The following CNST variants were observed in gnomAD, a reference collection of about 807,000 sequenced individuals.
The protein encoded by CNST is consortin, connexin sorting protein.
CNST carries 39 observed loss-of-function variants against 72.4 expected under a neutral mutation model. The observed-to-expected ratio is 0.54, with a 90% CI of 0.42 to 0.70. The LOEUF is 0.70. Among genes scored for constraint, CNST ranks in the 30% least tolerant of loss-of-function variants. The pLI is 0.00. For synonymous variants in CNST, 332 were observed against 320.1 expected, an observed-to-expected ratio of 1.04 and a Z score of -0.40; for missense variants, 871 against 868.5, an observed-to-expected ratio of 1.00 and a Z score of -0.04.
intron 9 of CNST, among the ~76,000 whole-genome samples, chr1:246,654,537 ATC>A (rs769991352): frequency 1.3e-5 from 2 of 152,304 alleles, no homozygotes; most frequent in East Asian, 3.9e-4. Flanking sequence ...TCTAGCTGTA[ATC>A]TCTCTCTGTT....
chr1:246,584,917 A>G (rs1157731160), intron 1 of CNST, among the ~76,000 whole-genome samples: 1 of 152,118 alleles, frequency 6.6e-6, no homozygotes, highest in East Asian at 1.9e-4. Context: ...TGGATTATAT[A>G]CTGAATATTA....
At chr1:246,639,438 C>G (rs1352105181) in intron 6 of CNST, among the ~76,000 whole-genome samples, 1 of 152,010 alleles carries the variant, frequency 6.6e-6, no homozygotes, top group African/African-American at 2.4e-5. Flanking sequence ...GTGGGAGGAA[C>G]TGGAGGAGCA....
intron 1 of CNST, among the ~76,000 whole-genome samples, chr1:246,580,033 T>A (rs1660685423): frequency 6.6e-6 from 1 of 152,224 alleles, no homozygotes; most frequent in Non-Finnish European, 1.5e-5. Context: ...GCTTCCTTTC[T>A]TACTGCTCTG....
intron 9 of CNST, among the ~76,000 whole-genome samples, chr1:246,653,905 C>G (rs1666629189): frequency 6.6e-6 from 1 of 152,104 alleles, no homozygotes; most frequent in South Asian, 2.1e-4. Context: ...TATTAGAAGT[C>G]AATGAAATGA....
intron 1 of CNST, among the ~76,000 whole-genome samples, chr1:246,568,081 A>T (rs1208431394): frequency 6.6e-6 from 1 of 152,106 alleles, no homozygotes; most frequent in East Asian, 1.9e-4. Context: ...TGGGAGGATC[A>T]CTTGCTGCCG....
chr1:246,635,728 T>A (rs1177237118), intron 6 of CNST, among the ~76,000 whole-genome samples: 3 of 152,200 alleles, frequency 2.0e-5, no homozygotes, highest in Non-Finnish European at 4.4e-5. Flanking sequence ...TTTAGTCTAA[T>A]TATTCTATTT....
rs1380986246 is a variant in CNST, at chr1:246,585,663, ATAT to A, written c.-51-5848_-51-5846del. Among the ~76,000 whole-genome samples, 14 of 41,868 alleles carry A rather than the reference ATAT, an allele frequency of 3.3e-4. 1 individual carries two copies. The highest frequency in any genetic ancestry group is 6.9e-4 in the Admixed American group (2 of 2,888). The allele number at this position is 41,868 out of a possible 152,430, so 27.5% of individuals were successfully genotyped here. A position where few individuals can be genotyped will look rare whatever the true frequency, so the allele number is the denominator to read the frequency against. The stretch of plus-strand genomic sequence containing the variant: ...TCTCAAAAAAAAAAAAAAAAAAAAA[ATAT>A]ACACACACACACACACACACACACA... On this transcript the variant is annotated intron_variant, in intron 1 of 10. Coordinates refer to ENST00000366513, the MANE Select transcript of CNST (RefSeq NM_152609.3).
At chr1:246,650,590 A>G (rs1348025558) in intron 9 of CNST, among the ~76,000 whole-genome samples, 2 of 151,760 alleles carry the variant, frequency 1.3e-5, no homozygotes, top group African/African-American at 2.4e-5. Context: ...TATCCAGGCA[A>G]TTGTGGGTTT....
chr1:246,601,386 G>A (rs1662280599), intron 2 of CNST, among the ~76,000 whole-genome samples: 1 of 152,114 alleles, frequency 6.6e-6, no homozygotes, highest in Non-Finnish European at 1.5e-5. Flanking sequence ...AACTGTTAGT[G>A]ATTTTTTCTA....
chr1:246,640,083 C>T (rs1373839490), intron 6 of CNST, among the ~76,000 whole-genome samples: 2 of 152,110 alleles, frequency 1.3e-5, no homozygotes, highest in African/African-American at 4.8e-5. Context: ...CTTTCAGGCC[C>T]CAGGGAGAAT....
intron 1 of CNST, among the ~76,000 whole-genome samples, chr1:246,575,739 C>T (rs141876473): frequency 3.3e-3 from 502 of 151,580 alleles, no homozygotes; most frequent in African/African-American, 0.011. Context: ...AATTATATGT[C>T]GATAAAGGTG....
chr1:246,621,428 G>T lies in CNST; in HGVS notation c.380-1G>T. 1.2e-6 allele frequency: 2 copies of T among 1,610,500 alleles called. No homozygotes were observed. The highest frequency in any genetic ancestry group is 8.5e-7 in the Non-Finnish European group (1 of 1,177,672). ...ATAGGCATTTTCTTTACTTCTTAAA[G>T]GACTTTTTTCAGGAGATATTGCACC... On this transcript the variant is annotated splice_acceptor_variant, in intron 2 of 10. Transcript: ENST00000366513. LOFTEE classifies it high-confidence loss of function.
chr1:246,634,709 T>C, intron 6 of CNST, 122 bp downstream of exon 6: 1 of 641,362 alleles, frequency 1.6e-6, no homozygotes, highest in Non-Finnish European at 2.7e-6. Context: ...GGATATAATA[T>C]AATTATTGCA....
intron 9 of CNST, 41 bp from the exon 10 acceptor site, chr1:246,660,158 G>A (rs369093163): frequency 3.0e-5 from 46 of 1,555,460 alleles, no homozygotes; most frequent in South Asian, 4.9e-5. Flanking sequence ...GAGATGTCCC[G>A]CCTTAATAAA....
chr1:246,584,248 T>G (rs1175808632), intron 1 of CNST, among the ~76,000 whole-genome samples: 1 of 152,230 alleles, frequency 6.6e-6, no homozygotes, highest in Non-Finnish European at 1.5e-5. Flanking sequence ...GGTATAAGAA[T>G]TCAGTGATGT....
intron 7 of CNST, 35 bp from the exon 8 acceptor site, chr1:246,641,906 C>A: frequency 6.5e-7 from 1 of 1,530,336 alleles, no homozygotes; most frequent in South Asian, 1.2e-5. Flanking sequence ...AACAGTTTCC[C>A]CAAAAGTTGG....
At chr1:246,591,382 A>C in intron 1 of CNST, 130 bp from the exon 2 acceptor site, 1 of 671,818 alleles carries the variant, frequency 1.5e-6, no homozygotes, top group Non-Finnish European at 2.5e-6. Context: ...GTGAAAGGGA[A>C]TGAACTTAAG....
At chr1:246,652,852 A>C (rs1253956196) in intron 9 of CNST, among the ~76,000 whole-genome samples, 2 of 150,336 alleles carry the variant, frequency 1.3e-5, no homozygotes, top group Admixed American at 6.6e-5. Flanking sequence ...AAAATACAAA[A>C]AACTAGCCGG....
intron 2 of CNST, among the ~76,000 whole-genome samples, chr1:246,604,702 T>A (rs1054474040): frequency 2.0e-5 from 3 of 152,198 alleles, no homozygotes; most frequent in Non-Finnish European, 4.4e-5. Context: ...GCACTCTTGC[T>A]GTATTGCTCA....
Sources: allele counts gnomAD v4.1 joint callset (sites outside exome capture counted in the v4.1 genomes callset), GRCh38; gene constraint gnomAD v4.1.1; transcripts MANE v1.5; gene names NCBI Gene and HGNC (gene_info 2026-07-23, HGNC 2026-07-21).